The following XPO7 variants were observed in gnomAD, a reference collection of about 807,000 sequenced individuals.
XPO7 encodes exportin 7.
In XPO7, 21 loss-of-function variants were observed where a neutral mutation model predicts 144.3. The observed-to-expected ratio is 0.15, with a 90% confidence interval of 0.10 to 0.21. The LOEUF is 0.21. XPO7 is among the 10% of genes least tolerant of loss of function. XPO7 has a pLI of 1.00. For missense variants in XPO7, 808 were observed against 1,325.8 expected (o/e 0.61, Z 6.06); for synonymous variants, 580 against 499.6 (o/e 1.16, Z -2.15).
chr8:21,966,244 A>G (rs534300540), intron 1 of XPO7: 40 of 775,036 alleles, frequency 5.2e-5, no homozygotes, highest in Middle Eastern at 2.3e-4. Flanking sequence ...ATTTGGAACC[A>G]AAGTAAGAGT....
chr8:21,983,192 G>A (rs1812462478), intron 11 of XPO7, among the ~76,000 whole-genome samples: 1 of 152,280 alleles, frequency 6.6e-6, no homozygotes, highest in East Asian at 1.9e-4. Context: ...GAAATAAGTG[G>A]ATAAAGATTA....
intron 12 of XPO7, 139 bp downstream of exon 12, chr8:21,984,978 T>C (rs1812532220): frequency 4.5e-6 from 4 of 891,726 alleles, no homozygotes; most frequent in South Asian, 1.8e-5. Flanking sequence ...ACAAGAATCT[T>C]TATGAATGAA....
At chr8:21,993,305 A>G (rs989336598) in intron 19 of XPO7, among the ~76,000 whole-genome samples, 1 of 152,196 alleles carries the variant, frequency 6.6e-6, no homozygotes, top group African/African-American at 2.4e-5. Context: ...CTTCTTTGTC[A>G]TGTCCCATGT....
intron 1 of XPO7, among the ~76,000 whole-genome samples, chr8:21,958,886 G>A (rs375760325): frequency 6.6e-6 from 1 of 151,398 alleles, no homozygotes; most frequent in Non-Finnish European, 1.5e-5. Context: ...ACTTGAACCC[G>A]GGAGGTAGAG....
intron 18 of XPO7, 39 bp from the exon 19 acceptor site, chr8:21,991,829 T>C (rs1179961908): frequency 6.6e-7 from 1 of 1,522,566 alleles, no homozygotes; most frequent in Non-Finnish European, 8.9e-7. Flanking sequence ...CTTTGAATTC[T>C]TGGTATTGGG....
rs1269037361 is a variant in XPO7, at chr8:21,919,689, C to G, written c.-82C>G. The G allele has an allele frequency of 2.7e-5, 5 of 182,386 alleles. No individual in the cohort carries two copies. The highest frequency in any genetic ancestry group is 1.2e-4 in the African/African-American group (5 of 41,564). 11.3% of individuals were successfully genotyped at this position (182,386 alleles called of 1,614,324 possible). A position where few individuals can be genotyped will look rare whatever the true frequency, so the allele number is the denominator to read the frequency against. ...CGCGCAGGCGCAGCGGCGACGGCGT[C>G]GGCGGCGGCGGCGGCAGCGGCTCCG... On this transcript the variant is annotated 5_prime_UTR_variant, in exon 1 of 28. Coordinates refer to ENST00000252512, the MANE Select transcript of XPO7 (RefSeq NM_015024.5).
At chr8:21,983,985 T>G (rs1776463256) in intron 11 of XPO7, among the ~76,000 whole-genome samples, 1 of 152,208 alleles carries the variant, frequency 6.6e-6, no homozygotes. Flanking sequence ...ATGCCTTGTC[T>G]GCAATTCCAA....
At chr8:21,986,009 TA>T (rs1459818396) in intron 13 of XPO7, among the ~76,000 whole-genome samples, 1 of 152,182 alleles carries the variant, frequency 6.6e-6, no homozygotes, top group Non-Finnish European at 1.5e-5. Context: ...AAAATAAGTC[TA>T]AAAGGAAACT....
rs1382756323 is a variant in XPO7, at chr8:22,005,456, T to C, written c.*368T>C. 3 of 161,226 alleles carry C rather than the reference T, an allele frequency of 1.9e-5. No homozygotes were observed. Among genetic ancestry groups the C allele is most frequent in the Non-Finnish European group, 4.1e-5 (3 of 73,950 alleles). The allele number at this position is 161,226 out of a possible 1,614,324, so 10.0% of individuals were successfully genotyped here. A position where few individuals can be genotyped will look rare whatever the true frequency, so the allele number is the denominator to read the frequency against. On this transcript the variant is annotated 3_prime_UTR_variant, in exon 28 of 28. Transcript: ENST00000252512. ...ATAACATTTTGAACAAGGTTTATAT[T>C]GACTCAAGTTTAAAAACAAAAAGTG...
chr8:21,940,632 C>G (rs1810960164), intron 1 of XPO7, among the ~76,000 whole-genome samples: 1 of 151,978 alleles, frequency 6.6e-6, no homozygotes, highest in South Asian at 2.1e-4. Flanking sequence ...CCACACCCGC[C>G]TAATTTTTGT....
At chr8:21,934,401 C>G (rs1457224784) in intron 1 of XPO7, among the ~76,000 whole-genome samples, 3 of 151,984 alleles carry the variant, frequency 2.0e-5, no homozygotes. Context: ...GGCGTGGTGG[C>G]GCATGCCTGT....
intron 1 of XPO7, among the ~76,000 whole-genome samples, chr8:21,929,449 T>C (rs1175121770): frequency 6.6e-6 from 1 of 152,246 alleles, no homozygotes; most frequent in Non-Finnish European, 1.5e-5. Flanking sequence ...TAGGAAATAG[T>C]GTTTTAAGGG....
chr8:21,980,032 G>C, intron 8 of XPO7, 52 bp from the exon 9 acceptor site: 1 of 1,459,762 alleles, frequency 6.9e-7, no homozygotes, highest in Non-Finnish European at 9.1e-7. Flanking sequence ...TCTGGTGAAA[G>C]TAACTGTACA....
At chr8:22,001,183 G>A (rs943485915) in intron 24 of XPO7, among the ~76,000 whole-genome samples, 49 of 152,062 alleles carry the variant, frequency 3.2e-4, no homozygotes, top group African/African-American at 1.2e-3. Context: ...GTGTGTGCCT[G>A]TAGTCCCAGC....
intron 1 of XPO7, among the ~76,000 whole-genome samples, chr8:21,934,583 G>A (rs1032981519): frequency 2.6e-5 from 4 of 152,022 alleles, no homozygotes; most frequent in African/African-American, 9.7e-5. Flanking sequence ...TTTTTATTTT[G>A]GGGTGACAGT....
At chr8:21,944,655 GA>G (rs1353638358) in intron 1 of XPO7, among the ~76,000 whole-genome samples, 4 of 152,154 alleles carry the variant, frequency 2.6e-5, no homozygotes, top group Admixed American at 2.6e-4. Context: ...GTTTCTCGGA[GA>G]GGGGGATTTG....
intron 13 of XPO7, 80 bp downstream of exon 13, chr8:21,985,771 G>A: frequency 7.9e-7 from 1 of 1,260,474 alleles, no homozygotes; most frequent in Non-Finnish European, 1.2e-6. Context: ...TCCACTTACA[G>A]AACGTAATCT....
intron 24 of XPO7, among the ~76,000 whole-genome samples, chr8:22,000,567 C>T (rs1045118201): frequency 2.0e-5 from 3 of 151,540 alleles, no homozygotes; most frequent in African/African-American, 7.3e-5. Flanking sequence ...ATTCTTCTGC[C>T]TCAGCCTCCC....
chr8:21,995,573 G>A lies in XPO7; in HGVS notation c.2319G>A (p.Lys773=), dbSNP rs1812919896. The A allele has an allele frequency of 3.1e-6, 5 of 1,606,008 alleles. No homozygotes were observed. The highest frequency in any genetic ancestry group is 2.2e-5 in the East Asian group (1 of 44,774). Residue 773 remains lysine, a synonymous_variant, in exon 21 of 28, where the codon AAG becomes AAA. Transcript: ENST00000252512. ...HDPACTTPVL[K]LMAELVHNRS... is the part of the protein sequence containing the mutation. ...CAGCCTGTACTACACCTGTACTCAA[G>A]TTGATGGCTGAATTGGTTCATAATA...
Sources: gnomAD v4.1 joint callset for allele counts (sites outside exome capture counted in the v4.1 genomes callset) on GRCh38, gnomAD v4.1.1 for gene constraint, MANE v1.5 for transcripts, NCBI Gene and HGNC (gene_info 2026-07-23, HGNC 2026-07-21) for gene names.